Variants in SPTLC3 observed in about 807,000 individuals in gnomAD.
SPTLC3 encodes the protein serine palmitoyltransferase 3.
Under a neutral mutation model 59.3 loss-of-function variants are expected in SPTLC3, and 36 were observed. That is an observed-to-expected ratio of 0.61 (90% CI 0.47 to 0.80). SPTLC3 has a LOEUF of 0.80. SPTLC3 is among the 30% of genes least tolerant of loss of function. The probability of loss-of-function intolerance (pLI) is 0.00; values close to 1 mark genes in which losing one functional copy is unlikely to be tolerated. For missense variants in SPTLC3, 625 were observed against 685.1 expected (o/e 0.91, Z 0.98); for synonymous variants, 257 against 240.8 (o/e 1.07, Z -0.62).
At chr20:13,039,163 T>C in intron 1 of SPTLC3, among the ~76,000 whole-genome samples, 1 of 152,082 alleles carries the variant, frequency 6.6e-6, no homozygotes, top group African/African-American at 2.4e-5. Context: ...TGTTCAAGTC[T>C]TCTATTTTCT....
intron 1 of SPTLC3, 118 bp from the exon 2 acceptor site, chr20:13,048,827 A>G: frequency 1.1e-6 from 1 of 934,854 alleles, no homozygotes; most frequent in East Asian, 2.7e-5. Flanking sequence ...TTTCTAATTT[A>G]TTTACAATCT....
chr20:13,026,984 A>C (rs1986180222), intron 1 of SPTLC3, among the ~76,000 whole-genome samples: 1 of 152,146 alleles, frequency 6.6e-6, no homozygotes, highest in African/African-American at 2.4e-5. Flanking sequence ...ATCCTTCGGG[A>C]AAGATAATTC....
intron 9 of SPTLC3, among the ~76,000 whole-genome samples, chr20:13,129,704 T>C (rs1418156384): frequency 6.6e-6 from 1 of 152,226 alleles, no homozygotes; most frequent in East Asian, 1.9e-4. Context: ...GATTGGTTCA[T>C]CACAGACAAA....
rs2123027340 is a variant in SPTLC3, at chr20:13,167,637, T to G, written c.*2770T>G. On this transcript the variant is annotated 3_prime_UTR_variant, in exon 12 of 12. Coordinates refer to ENST00000399002, the MANE Select transcript of SPTLC3 (RefSeq NM_018327.4). ...TGTATAATAAGGAAATGGCATAGAC[T>G]TATTCCTAATCTCATTATGAAACGA... The G allele has an allele frequency of 6.6e-6, 1 of 152,328 alleles. No individual in the cohort carries two copies. The highest frequency in any genetic ancestry group is 1.5e-5 in the Non-Finnish European group (1 of 68,028). 9.4% of individuals were successfully genotyped at this position (152,328 alleles called of 1,614,324 possible). A position where few individuals can be genotyped will look rare whatever the true frequency, so the allele number is the denominator to read the frequency against.
chr20:13,116,579 T>A (rs1157192107), intron 7 of SPTLC3, among the ~76,000 whole-genome samples: 1 of 152,180 alleles, frequency 6.6e-6, no homozygotes, highest in Admixed American at 6.5e-5. Context: ...CCCAGGAGGA[T>A]CTTTGTTAAT....
rs74181398 is a variant in SPTLC3 at position 13,038,045 on chromosome 20, A to AATATATATATATATATATAT, written c.118-10885_118-10884insTATATATATATATATATATA. 3.1e-3 allele frequency among the ~76,000 whole-genome samples: 436 copies of AATATATATATATATATATAT among 139,470 alleles called. 3 individuals are homozygous for AATATATATATATATATATAT. The highest frequency in any genetic ancestry group is 0.011 in the African/African-American group (416 of 36,402). 91.5% of individuals were successfully genotyped at this position (139,470 alleles called of 152,430 possible). ...GCTGGAAAATACAGAGAAAATCATGAATATATATATATATAATATATCTTC... is the reference window on the plus strand; with the variant it reads ...GCTGGAAAATACAGAGAAAATCATGAATATATATATATATATATATATATATATATATATAATATATCTTC... On this transcript the variant is annotated intron_variant, in intron 1 of 11. Coordinates refer to ENST00000399002, the MANE Select transcript of SPTLC3 (RefSeq NM_018327.4).
intron 8 of SPTLC3, 110 bp downstream of exon 8, chr20:13,117,835 G>A (rs1316683913): frequency 3.0e-6 from 3 of 1,002,284 alleles, no homozygotes; most frequent in Non-Finnish European, 4.4e-6. Flanking sequence ...CCACACCTCA[G>A]CTGATCACTC....
chr20:13,159,962 A>G (rs757409867), intron 10 of SPTLC3, 41 bp from the exon 11 acceptor site: 1 of 1,487,798 alleles, frequency 6.7e-7, no homozygotes, highest in Non-Finnish European at 9.0e-7. Context: ...TCTTTTCCCA[A>G]CTAACCACTT....
chr20:13,063,637 T>TTTTATTTATTTA (rs58141093), intron 2 of SPTLC3, among the ~76,000 whole-genome samples: 7,357 of 145,664 alleles, frequency 0.051, 228 homozygotes, highest in South Asian at 0.08. Context: ...TTTTTTTAAA[T>TTTTATTTATTTA]TTTATTTATT....
chr20:13,048,376 TA>T (rs1457371267), intron 1 of SPTLC3, among the ~76,000 whole-genome samples: 1 of 152,222 alleles, frequency 6.6e-6, no homozygotes, highest in Non-Finnish European at 1.5e-5. Context: ...CAGACTTTTT[TA>T]AAAGACCAGG....
chr20:13,037,614 A>C (rs1345942474), intron 1 of SPTLC3, among the ~76,000 whole-genome samples: 1 of 152,176 alleles, frequency 6.6e-6, no homozygotes, highest in Non-Finnish European at 1.5e-5. Flanking sequence ...CTATGAATGA[A>C]ATGTGAATCT....
intron 1 of SPTLC3, 36 bp downstream of exon 1, chr20:13,009,420 C>T: frequency 6.5e-7 from 1 of 1,535,738 alleles, no homozygotes; most frequent in Non-Finnish European, 9.0e-7. Context: ...CTCTGAATTA[C>T]CTGAACGTTT....
intron 9 of SPTLC3, among the ~76,000 whole-genome samples, chr20:13,148,621 G>T (rs2038571801): frequency 6.6e-6 from 1 of 152,202 alleles, no homozygotes; most frequent in African/African-American, 2.4e-5. Flanking sequence ...GCATAGCTCA[G>T]CCAGGCTGCA....
At chr20:13,126,750 A>G (rs779833340) in intron 9 of SPTLC3, 33 bp downstream of exon 9, 12 of 1,611,438 alleles carry the variant, frequency 7.4e-6, no homozygotes, top group Non-Finnish European at 9.3e-6. Context: ...CAGCTCCTGG[A>G]CCTCTCTGTC....
chr20:13,028,318 T>C (rs1986258671), intron 1 of SPTLC3, among the ~76,000 whole-genome samples: 1 of 152,182 alleles, frequency 6.6e-6, no homozygotes, highest in South Asian at 2.1e-4. Flanking sequence ...CTCAGGGGGC[T>C]GATGTCTGGT....
intron 10 of SPTLC3, among the ~76,000 whole-genome samples, chr20:13,156,090 A>T (rs2038762371): frequency 1.3e-5 from 2 of 152,208 alleles, no homozygotes; most frequent in South Asian, 4.1e-4. Flanking sequence ...AGACACACAT[A>T]CATTTATTCA....
intron 6 of SPTLC3, among the ~76,000 whole-genome samples, chr20:13,096,392 G>C (rs6109696): frequency 0.065 from 9,841 of 151,382 alleles, 355 homozygotes; most frequent in South Asian, 0.1. Flanking sequence ...CTACCAACAG[G>C]ATAGTAGAAA....
At chr20:13,141,563 G>A (rs2038384176) in intron 9 of SPTLC3, among the ~76,000 whole-genome samples, 1 of 152,158 alleles carries the variant, frequency 6.6e-6, no homozygotes, top group Admixed American at 6.5e-5. Context: ...GAAAACAAGA[G>A]GCATCTACAA....
At chr20:13,162,763 C>T (rs1258668454) in intron 11 of SPTLC3, among the ~76,000 whole-genome samples, 1 of 152,174 alleles carries the variant, frequency 6.6e-6, no homozygotes, top group African/African-American at 2.4e-5. Flanking sequence ...CAGTGAACTG[C>T]TCCCACTTCT....
Sources: allele counts gnomAD v4.1 joint callset (sites outside exome capture counted in the v4.1 genomes callset), GRCh38; gene constraint gnomAD v4.1.1; transcripts MANE v1.5; gene names NCBI Gene and HGNC (gene_info 2026-07-23, HGNC 2026-07-21).